The following ABCB11 variants were observed in gnomAD, a reference collection of about 807,000 sequenced individuals.
ABCB11 encodes the protein ATP binding cassette subfamily B member 11.
In ABCB11, 95 loss-of-function variants were observed where a neutral mutation model predicts 148.0. The observed-to-expected ratio is 0.64, with a 90% confidence interval of 0.54 to 0.76. The LOEUF is 0.76. ABCB11 is among the 30% of genes least tolerant of loss of function. The pLI is 0.00. For missense variants in ABCB11, 1,523 were observed against 1,617.8 expected (o/e 0.94, Z 1.01); for synonymous variants, 591 against 555.4 (o/e 1.06, Z -0.90).
chr2:168,979,672 CAAAAAAAAAAAA>C (rs55859131), intron 11 of ABCB11, among the ~76,000 whole-genome samples, 182 bp downstream of exon 11: 127 of 100,084 alleles, frequency 1.3e-3, no homozygotes, highest in South Asian at 2.5e-3. Context: ...AACTCCATCT[CAAAAAAAAAAAA>C]AAAAAAAAAA....
chr2:168,969,346 T>C lies in ABCB11; in HGVS notation c.2011+4A>G. The stretch of plus-strand genomic sequence containing the variant: ...ACATACAAGTATAGGGAAAAAGCAC[T>C]TGCCCTTTATGTCCTCTTCATTAAG... On this transcript the variant is annotated splice_donor_region_variant and intron_variant, in intron 16 of 27. Transcript: ENST00000650372. 1.9e-6 allele frequency: 3 copies of C among 1,610,236 alleles called. No homozygotes were observed. The highest frequency in any genetic ancestry group is 2.5e-6 in the Non-Finnish European group (3 of 1,177,868).
In ABCB11 at chr2:168,922,400, G is replaced by A. The variant is rs1691108073; in HGVS notation, c.*1222C>T. On this transcript the variant is annotated 3_prime_UTR_variant, in exon 28 of 28. Transcript: ENST00000650372. ...AGGCAGCCATCCTGCTGCAGGCGGGGCTCTGCAATTCTGTTTCCATACAGG... is the reference window on the plus strand; with the variant it reads ...AGGCAGCCATCCTGCTGCAGGCGGGACTCTGCAATTCTGTTTCCATACAGG... Among the ~76,000 whole-genome samples, 1 of 152,110 alleles carries A rather than the reference G, an allele frequency of 6.6e-6. No individual in the cohort carries two copies. The highest frequency in any genetic ancestry group is 1.5e-5 in the Non-Finnish European group (1 of 68,016).
intron 8 of ABCB11, among the ~76,000 whole-genome samples, chr2:168,992,747 G>A (rs887264931): frequency 6.6e-6 from 1 of 152,068 alleles, no homozygotes; most frequent in Non-Finnish European, 1.5e-5. Context: ...GTGACCTAAT[G>A]AAATGGAGCG....
chr2:168,962,384 A>C (rs1161105865), intron 18 of ABCB11, among the ~76,000 whole-genome samples: 1 of 151,726 alleles, frequency 6.6e-6, no homozygotes, highest in Non-Finnish European at 1.5e-5. Flanking sequence ...CGTATATTAG[A>C]TTTAGATTTC....
chr2:168,942,778 C>G (rs2250677), intron 21 of ABCB11, among the ~76,000 whole-genome samples: 1 of 151,452 alleles, frequency 6.6e-6, no homozygotes, highest in East Asian at 1.9e-4. Context: ...AAATTATCAA[C>G]TAAAACAATA....
chr2:169,024,878 T>A (rs116080461), intron 1 of ABCB11, among the ~76,000 whole-genome samples: 1 of 152,164 alleles, frequency 6.6e-6, no homozygotes, highest in Non-Finnish European at 1.5e-5. Flanking sequence ...AATTAAGTAG[T>A]TTATGAGGCT....
chr2:168,993,751 A>G lies in ABCB11; in HGVS notation c.743T>C (p.Val248Ala). Residue 248 changes from valine to alanine, a missense_variant, in exon 8 of 28, where the codon GTC (valine) becomes GCC (alanine). Coordinates refer to ENST00000650372, the MANE Select transcript of ABCB11 (RefSeq NM_003742.4). ...TGCTCCAATCCCAATGAGAGGGCTG[A>G]CAGAAATAATAACCAAGGTCAGTTT... ...GWKLTLVIIS[V>A]SPLIGIGAAT... 6.2e-7 allele frequency: 1 copy of G among 1,610,364 alleles called. No individual in the cohort carries two copies.
downstream of ABCB11, among the ~76,000 whole-genome samples, chr2:168,918,150 G>T (rs79656238): frequency 5.3e-5 from 8 of 152,090 alleles, no homozygotes; most frequent in African/African-American, 1.7e-4. Flanking sequence ...AAGAATGGGC[G>T]TTTTCCACTT....
Position 168,934,105 on chromosome 2 carries a change from TATTCTAA to T in ABCB11, c.3056+1072_3056+1078del, listed in dbSNP as rs1407315442. Among the ~76,000 whole-genome samples the T allele has an allele frequency of 2.7e-5, 4 of 148,502 alleles. No homozygotes were observed. In the South Asian group the frequency reaches 8.3e-4, roughly 31 times the overall value. Reference sequence around the variant, plus strand: ...AAAATATTCTAAATTATTCTAAAATTATTCTAAATTATTCTAAAATTATTCTAAAACC... The same window carrying T: ...AAAATATTCTAAATTATTCTAAAATTATTATTCTAAAATTATTCTAAAACC... On this transcript the variant is annotated intron_variant, in intron 23 of 27. Coordinates refer to ENST00000650372, the MANE Select transcript of ABCB11 (RefSeq NM_003742.4).
At chr2:168,923,872 A>G (rs774428758) in intron 27 of ABCB11, 50 bp from the exon 28 acceptor site, 2 of 1,571,216 alleles carry the variant, frequency 1.3e-6, no homozygotes, top group Admixed American at 1.7e-5. Flanking sequence ...ATTGCTCCCC[A>G]GCCCACCATC....
intron 24 of ABCB11, among the ~76,000 whole-genome samples, chr2:168,931,094 T>C (rs780582398): frequency 5.3e-5 from 8 of 152,180 alleles, no homozygotes; most frequent in Non-Finnish European, 7.3e-5. Context: ...ACTCCCCCTA[T>C]TCCCAGTCTA....
At chr2:168,955,328 G>C (rs1692742267) in intron 19 of ABCB11, among the ~76,000 whole-genome samples, 4 of 151,680 alleles carry the variant, frequency 2.6e-5, no homozygotes, top group African/African-American at 9.6e-5. Context: ...ATGAAGAAAA[G>C]AGGTTTAATT....
chr2:168,988,950 T>A (rs1694423060), intron 9 of ABCB11, among the ~76,000 whole-genome samples: 1 of 152,190 alleles, frequency 6.6e-6, no homozygotes. Context: ...AAATGTCTAT[T>A]CAGGTCTTTT....
intron 9 of ABCB11, among the ~76,000 whole-genome samples, chr2:168,990,145 G>A (rs1284893663): frequency 2.0e-5 from 3 of 152,080 alleles, no homozygotes; most frequent in South Asian, 2.1e-4. Context: ...TATTCCCTCC[G>A]CTTTAATTTT....
Position 168,944,914 on chromosome 2 carries a change from A to T in ABCB11, c.2391T>A (p.Gly797=). The T allele has an allele frequency of 6.4e-7, 1 of 1,574,126 alleles. No individual in the cohort carries two copies. The highest frequency in any genetic ancestry group is 8.6e-7 in the Non-Finnish European group (1 of 1,158,036). The change falls in exon 20 of 28, where the codon GGT becomes GGA. Residue 797 remains glycine (G), a synonymous_variant. Transcript: ENST00000650372. The stretch of plus-strand genomic sequence containing the variant: ...CCATTGCTACAAAAAGTAGGCACAC[A>T]CCATTGATCTGTGACCTTTGTTCCT... ...DKEEQRSQIN[G]VCLLFVAMGC... is the part of the protein sequence containing the mutation.
chr2:168,917,174 A>G (rs112448991), downstream of ABCB11, among the ~76,000 whole-genome samples: 522 of 149,686 alleles, frequency 3.5e-3, 2 homozygotes, highest in Non-Finnish European at 5.8e-3. Context: ...GTACATTTAG[A>G]GTAACTATAT....
intron 1 of ABCB11, among the ~76,000 whole-genome samples, chr2:169,018,986 T>G (rs938006488): frequency 4.6e-5 from 7 of 151,984 alleles, no homozygotes; most frequent in Non-Finnish European, 1.0e-4. Flanking sequence ...GTGTGAGAGT[T>G]TAGCTGGCGA....
chr2:169,005,803 C>T (rs753136951), intron 5 of ABCB11, among the ~76,000 whole-genome samples: 6 of 152,172 alleles, frequency 3.9e-5, no homozygotes, highest in African/African-American at 1.4e-4. Flanking sequence ...AAACATCATG[C>T]TGCACACCAT....
chr2:168,986,120 G>T lies in ABCB11; in HGVS notation c.1073C>A (p.Thr358Asn). Residue 358 changes from threonine to asparagine, a missense_variant, in exon 10 of 28, where the codon ACC becomes AAC. Thr to Asn is a moderately conservative substitution (Grantham distance 65). Coordinates refer to ENST00000650372, the MANE Select transcript of ABCB11 (RefSeq NM_003742.4). ...VLDEGEYTPG[T>N]LVQIFLSVIV... ...ATAAGTCCAAGGTACCTGGACAAGG[G>T]TTCCTGGTGTATATTCTCCTTCATC... 1 of 1,607,188 alleles carries T rather than the reference G, an allele frequency of 6.2e-7. No individual in the cohort carries two copies. The highest frequency in any genetic ancestry group is 1.1e-5 in the South Asian group (1 of 90,084).
Sources: gnomAD v4.1 joint callset for allele counts (sites outside exome capture counted in the v4.1 genomes callset) on GRCh38, gnomAD v4.1.1 for gene constraint, MANE v1.5 for transcripts, NCBI Gene and HGNC (gene_info 2026-07-23, HGNC 2026-07-21) for gene names.